Variants in HPSE2 observed in about 807,000 individuals in gnomAD.
HPSE2 encodes inactive heparanase-2.
Under a neutral mutation model 60.5 loss-of-function variants are expected in HPSE2, and 38 were observed. The observed-to-expected ratio is 0.63, with a 90% CI of 0.48 to 0.82. The LOEUF is 0.82. HPSE2 is among the 40% of genes least tolerant of loss of function. HPSE2 has a pLI of 0.00. For synonymous variants in HPSE2, 295 were observed against 293.2 expected (o/e 1.01, Z -0.06); for missense variants, 713 against 740.4 (o/e 0.96, Z 0.43).
At chr10:98,715,712 C>T (rs946889047) in intron 5 of HPSE2, among the ~76,000 whole-genome samples, 2 of 151,996 alleles carry the variant, frequency 1.3e-5, no homozygotes, top group Admixed American at 6.6e-5. Flanking sequence ...AATGTATATA[C>T]CTTAATTCAA....
chr10:99,117,161 C>T (rs954509287), intron 3 of HPSE2, among the ~76,000 whole-genome samples: 4 of 150,454 alleles, frequency 2.7e-5, no homozygotes, highest in African/African-American at 4.9e-5. Context: ...AAACCAATAC[C>T]CCAATTTAAA....
the HPSE2 span, among the ~76,000 whole-genome samples, chr10:99,272,464 A>G: frequency 6.6e-6 from 1 of 152,230 alleles, no homozygotes; most frequent in African/African-American, 2.4e-5. Flanking sequence ...CTGCACAGCA[A>G]AACAATCAGC....
the HPSE2 span, among the ~76,000 whole-genome samples, chr10:99,272,266 T>A: frequency 3.8e-5 from 2 of 52,672 alleles, no homozygotes; most frequent in African/African-American, 1.5e-4. Context: ...TGAGACTCCA[T>A]CTCAAAAAAA....
intron 3 of HPSE2, among the ~76,000 whole-genome samples, chr10:99,130,094 C>A (rs1350800899): frequency 6.6e-6 from 1 of 151,870 alleles, no homozygotes; most frequent in African/African-American, 2.4e-5. Flanking sequence ...AACAGAAACT[C>A]TAAACAGACC....
At chr10:98,883,537 G>A (rs376790036) in intron 3 of HPSE2, among the ~76,000 whole-genome samples, 1 of 152,036 alleles carries the variant, frequency 6.6e-6, no homozygotes, top group East Asian at 1.9e-4. Context: ...GGGTGTGGTG[G>A]CTCACACCTG....
At chr10:99,270,502 T>C in the HPSE2 span, among the ~76,000 whole-genome samples, 1 of 152,050 alleles carries the variant, frequency 6.6e-6, no homozygotes, top group Non-Finnish European at 1.5e-5. Flanking sequence ...AATTTAATAA[T>C]TGTCAACAAA....
chr10:99,089,556 G>A (rs1843442171), intron 3 of HPSE2, among the ~76,000 whole-genome samples: 1 of 152,172 alleles, frequency 6.6e-6, no homozygotes, highest in African/African-American at 2.4e-5. Context: ...CCAGTACTGT[G>A]CTGTTTTGGT....
chr10:99,054,038 G>C (rs1349613162), intron 3 of HPSE2, among the ~76,000 whole-genome samples: 1 of 151,890 alleles, frequency 6.6e-6, no homozygotes, highest in East Asian at 1.9e-4. Flanking sequence ...GCCTGGTCAA[G>C]AGTTGCAGTC....
intron 3 of HPSE2, among the ~76,000 whole-genome samples, chr10:99,015,949 T>C (rs1284022748): frequency 6.6e-6 from 1 of 152,220 alleles, no homozygotes; most frequent in Admixed American, 6.5e-5. Flanking sequence ...TTGACCTTTG[T>C]TGGATGCATA....
intron 3 of HPSE2, among the ~76,000 whole-genome samples, chr10:98,833,700 GCA>G (rs1951732367): frequency 6.6e-6 from 1 of 152,070 alleles, no homozygotes; most frequent in African/African-American, 2.4e-5. Flanking sequence ...CTTTTTCTAG[GCA>G]CAGAGACTAC....
intron 3 of HPSE2, among the ~76,000 whole-genome samples, chr10:99,134,218 T>C (rs1355518133): frequency 6.6e-6 from 1 of 152,134 alleles, no homozygotes; most frequent in African/African-American, 2.4e-5. Context: ...TATGGGACTA[T>C]GTGAAAAAGA....
At chr10:98,605,434 C>T (rs548744699) in intron 9 of HPSE2, among the ~76,000 whole-genome samples, 95 of 152,154 alleles carry the variant, frequency 6.2e-4, no homozygotes, top group Non-Finnish European at 1.3e-3. Flanking sequence ...ATAAGGTTCT[C>T]GAACAAAGAT....
intron 2 of HPSE2, among the ~76,000 whole-genome samples, chr10:99,187,807 A>T (rs561223720): frequency 2.0e-5 from 3 of 152,344 alleles, no homozygotes; most frequent in African/African-American, 7.2e-5. Context: ...AAATGGTCCA[A>T]GCACTTGGGG....
chr10:99,022,519 A>C (rs549544508), intron 3 of HPSE2, among the ~76,000 whole-genome samples: 2 of 152,296 alleles, frequency 1.3e-5, no homozygotes, highest in South Asian at 2.1e-4. Flanking sequence ...AAGCTGGAGA[A>C]GACAAGGAAG....
chr10:98,481,047 A>T (rs1941215512), intron 11 of HPSE2, among the ~76,000 whole-genome samples: 1 of 152,150 alleles, frequency 6.6e-6, no homozygotes, highest in South Asian at 2.1e-4. Flanking sequence ...GTTAGACTAA[A>T]GCATTTGGCC....
chr10:98,601,708 C>T (rs1945431399), intron 9 of HPSE2, among the ~76,000 whole-genome samples: 1 of 152,180 alleles, frequency 6.6e-6, no homozygotes, highest in Non-Finnish European at 1.5e-5. Context: ...TTGCTGATAG[C>T]CTAAAAAGTG....
chr10:98,971,028 AC>A (rs1436806514), intron 3 of HPSE2, among the ~76,000 whole-genome samples: 1 of 152,232 alleles, frequency 6.6e-6, no homozygotes, highest in Non-Finnish European at 1.5e-5. Flanking sequence ...GGTGTACATT[AC>A]AGAGGCTATA....
At chr10:98,561,849 AAAAC>A (rs143822075) in intron 9 of HPSE2, among the ~76,000 whole-genome samples, 124,238 of 151,270 alleles carry the variant, frequency 0.82, 52,043 homozygotes, top group East Asian at 1. Flanking sequence ...CTCAGTCTCA[AAAAC>A]AAACAAACAA....
chr10:98,938,055 A>C lies in HPSE2; in HGVS notation c.611-193999T>G, dbSNP rs889766753. ...TGTCTGTTAGAAGGAAAACTAACAA[A>C]CAGAAAGGACATCCACACCAAAAAC... On this transcript the variant is annotated intron_variant, in intron 3 of 11. Transcript: ENST00000370552. 1.3e-4 allele frequency among the ~76,000 whole-genome samples: 19 copies of C among 142,874 alleles called. 4 individuals carry two copies. Among genetic ancestry groups the C allele is most frequent in the African/African-American group, 5.1e-4 (18 of 35,102 alleles). The allele number at this position is 142,874 out of a possible 152,430, so 93.7% of individuals were successfully genotyped here.
Sources: gnomAD v4.1 joint callset for allele counts (sites outside exome capture counted in the v4.1 genomes callset) on GRCh38, gnomAD v4.1.1 for gene constraint, MANE v1.5 for transcripts, NCBI Gene and HGNC (gene_info 2026-07-23, HGNC 2026-07-21) for gene names.